The following MPHOSPH9 variants were observed in gnomAD, a reference collection of about 807,000 sequenced individuals.
The protein encoded by MPHOSPH9 is M-phase phosphoprotein 9.
Under a neutral mutation model 145.5 loss-of-function variants are expected in MPHOSPH9, and 88 were observed. The observed-to-expected ratio is 0.60, with a 90% CI of 0.51 to 0.72. The LOEUF is 0.72. Among genes scored for constraint, MPHOSPH9 ranks in the 30% least tolerant of loss-of-function variants. MPHOSPH9 has a pLI of 0.00. For missense variants in MPHOSPH9, 1,238 were observed against 1,386.6 expected (o/e 0.89, Z 1.70); for synonymous variants, 435 against 486.2 (o/e 0.89, Z 1.39).
chr12:123,179,716 T>TA (rs11380874), intron 15 of MPHOSPH9, among the ~76,000 whole-genome samples: 73,381 of 128,682 alleles, frequency 0.57, 24,385 homozygotes, highest in Non-Finnish European at 0.73. Context: ...CCTGTCTCTT[T>TA]AAAAAAAAAA....
At chr12:123,200,689 C>T (rs1354504881) in intron 11 of MPHOSPH9, among the ~76,000 whole-genome samples, 2 of 146,948 alleles carry the variant, frequency 1.4e-5, no homozygotes, top group African/African-American at 2.5e-5. Context: ...CTCACTCTGT[C>T]GCCCAGGCTG....
intron 13 of MPHOSPH9, among the ~76,000 whole-genome samples, chr12:123,190,357 T>G (rs1318767892): frequency 6.6e-6 from 1 of 152,078 alleles, no homozygotes; most frequent in Non-Finnish European, 1.5e-5. Context: ...TTTCAACGTG[T>G]TAGCCAGGAT....
chr12:123,231,830 T>C (rs2047648705), intron 1 of MPHOSPH9, among the ~76,000 whole-genome samples: 1 of 151,194 alleles, frequency 6.6e-6, no homozygotes, highest in African/African-American at 2.4e-5. Flanking sequence ...ATTCATGCAC[T>C]TATAAAAGAG....
rs2045132979 is a variant in MPHOSPH9, at chr12:123,181,347, G to A, written c.2242-137C>T. 1.5e-5 allele frequency: 10 copies of A among 646,818 alleles called. No homozygotes were observed. In the South Asian group the frequency reaches 1.9e-4, roughly 12 times the overall value. 40.1% of individuals were successfully genotyped at this position (646,818 alleles called of 1,614,324 possible). A position where few individuals can be genotyped will look rare whatever the true frequency, so the allele number is the denominator to read the frequency against. The stretch of plus-strand genomic sequence containing the variant: ...AAAGAGAAAGGTCAATAGAGAACTG[G>A]TGATTCAATGTAAAGGGAATGGGAC... On this transcript the variant is annotated intron_variant, in intron 13 of 23. Coordinates refer to ENST00000606320, the MANE Select transcript of MPHOSPH9 (RefSeq NM_022782.4).
chr12:123,178,527 AT>A (rs2044983044), intron 15 of MPHOSPH9, among the ~76,000 whole-genome samples: 1 of 151,218 alleles, frequency 6.6e-6, no homozygotes, highest in African/African-American at 2.4e-5. Context: ...TCTATCTTTC[AT>A]TTTTTTGGTG....
chr12:123,234,876 A>G (rs1292613018), upstream of MPHOSPH9, among the ~76,000 whole-genome samples: 1 of 152,240 alleles, frequency 6.6e-6, no homozygotes. Flanking sequence ...TGATCTCCTT[A>G]GTACCTGATT....
intron 14 of MPHOSPH9, 66 bp from the exon 15 acceptor site, chr12:123,180,056 C>T (rs2045057729): frequency 3.4e-6 from 3 of 891,064 alleles, no homozygotes; most frequent in Non-Finnish European, 1.6e-6. Flanking sequence ...TTTTAAAATG[C>T]ATAAAAGAAA....
chr12:123,167,231 T>C (rs1266793642), intron 16 of MPHOSPH9, among the ~76,000 whole-genome samples: 2 of 152,216 alleles, frequency 1.3e-5, no homozygotes, highest in Non-Finnish European at 2.9e-5. Flanking sequence ...GTGTCACTAC[T>C]GAACACCTGA....
chr12:123,211,884 G>A (rs1429452793), intron 7 of MPHOSPH9, among the ~76,000 whole-genome samples: 2 of 150,692 alleles, frequency 1.3e-5, no homozygotes, highest in Non-Finnish European at 3.0e-5. Context: ...GTGTAGAGAC[G>A]AAGTTTTGCT....
At chr12:123,234,153 T>A (rs916448214), upstream of MPHOSPH9, among the ~76,000 whole-genome samples, 1 of 152,146 alleles carries the variant, frequency 6.6e-6, no homozygotes, top group Admixed American at 6.5e-5. Flanking sequence ...CCCAGCCCAT[T>A]TCATGCGCAC....
chr12:123,229,225 T>C (rs2047545359), intron 2 of MPHOSPH9, among the ~76,000 whole-genome samples: 1 of 152,168 alleles, frequency 6.6e-6, no homozygotes, highest in Non-Finnish European at 1.5e-5. Context: ...TTTCCTTCCT[T>C]GTACCCGCTC....
chr12:123,194,051 C>G (rs1398055399), intron 13 of MPHOSPH9, among the ~76,000 whole-genome samples: 1 of 151,924 alleles, frequency 6.6e-6, no homozygotes, highest in South Asian at 2.1e-4. Flanking sequence ...GGCGGATCAC[C>G]TGAGGTCAGG....
chr12:123,204,005 T>C (rs2046321178), intron 8 of MPHOSPH9, among the ~76,000 whole-genome samples: 1 of 151,374 alleles, frequency 6.6e-6, no homozygotes, highest in African/African-American at 2.4e-5. Context: ...AGTTTTGAGG[T>C]AAGAAAATAC....
In MPHOSPH9 at chr12:123,238,666, C is replaced by G. The variant is rs577941794; in HGVS notation, c.-159+5187G>C. ...GTGTCTGTCCTAGCAATCAGAAGAA[C>G]TTGCTGATTCCTGTGTTCTGGAACA... is the stretch of plus-strand genomic sequence containing the variant. On this transcript the variant is annotated intron_variant, in intron 1 of 2. Transcript: ENST00000545406. Among the ~76,000 whole-genome samples, 17 of 152,252 alleles carry G rather than the reference C, an allele frequency of 1.1e-4. No homozygotes were observed. In the South Asian group the frequency reaches 2.7e-3, roughly 24 times the overall value.
intron 8 of MPHOSPH9, among the ~76,000 whole-genome samples, chr12:123,208,462 G>A (rs1163007865): frequency 1.3e-5 from 2 of 151,018 alleles, no homozygotes; most frequent in Non-Finnish European, 1.5e-5. Context: ...ACTTGAACCC[G>A]GGAGGCAGAG....
At chr12:123,183,532 A>T (rs1223420669) in intron 13 of MPHOSPH9, among the ~76,000 whole-genome samples, 1 of 137,700 alleles carries the variant, frequency 7.3e-6, no homozygotes, top group Admixed American at 7.9e-5. Flanking sequence ...AAGGTGACAG[A>T]GCAAGACTCT....
At chr12:123,165,198 TA>T in intron 18 of MPHOSPH9, 103 bp downstream of exon 18, 1 of 1,152,898 alleles carries the variant, frequency 8.7e-7, no homozygotes, top group Non-Finnish European at 1.2e-6. Flanking sequence ...TTTACAGAGC[TA>T]AAACTTTTAA....
At chr12:123,232,437 G>C (rs966242893) in intron 1 of MPHOSPH9, among the ~76,000 whole-genome samples, 1 of 152,098 alleles carries the variant, frequency 6.6e-6, no homozygotes. Flanking sequence ...ATATTTCCCA[G>C]CAACAAGATA....
At chr12:123,162,023 A>G (rs1247202165) in intron 21 of MPHOSPH9, 92 bp downstream of exon 21, 2 of 737,530 alleles carry the variant, frequency 2.7e-6, no homozygotes, top group Non-Finnish European at 4.1e-6. Flanking sequence ...ATTTAAGTGC[A>G]AGATATTATA....
Sources: allele counts gnomAD v4.1 joint callset (sites outside exome capture counted in the v4.1 genomes callset), GRCh38; gene constraint gnomAD v4.1.1; transcripts MANE v1.5; gene names NCBI Gene and HGNC (gene_info 2026-07-23, HGNC 2026-07-21).